The following RBFOX1 variants were observed in gnomAD, a reference collection of about 807,000 sequenced individuals.
RBFOX1 encodes RNA binding protein fox-1 homolog 1.
In RBFOX1, 8 loss-of-function variants were observed where a neutral mutation model predicts 57.7. That is an observed-to-expected ratio of 0.14 (90% CI 0.08 to 0.25). The LOEUF (loss-of-function observed/expected upper bound fraction) is 0.25. Ranked by LOEUF, RBFOX1 falls within the 10% of genes least tolerant of loss-of-function variation. RBFOX1 has a pLI of 1.00. For synonymous variants in RBFOX1, 326 were observed against 222.4 expected, an observed-to-expected ratio of 1.47 and a Z score of -4.15; for missense variants, 611 against 548.5, an observed-to-expected ratio of 1.11 and a Z score of -1.14.
chr16:5,501,874 C>T lies in RBFOX1; in HGVS notation c.258+34620C>T, dbSNP rs190291096. ...GGGACTACAGGCATTTGTTACCATG[C>T]CCAGCTAATTTTTATTTATTTATTT... On this transcript the variant is annotated intron_variant, in intron 2 of 2. Coordinates refer to the RBFOX1 transcript ENST00000585867. Among the ~76,000 whole-genome samples the T allele has an allele frequency of 9.0e-4, 137 of 152,112 alleles. 3 individuals carry two copies. Among genetic ancestry groups the T allele is most frequent in the Non-Finnish European group, 8.8e-5 (6 of 68,020 alleles).
rs57154832 is a variant in RBFOX1, at chr16:6,242,629, AAC to A, written c.-126-74332_-126-74331del. Among the ~76,000 whole-genome samples the A allele has an allele frequency of 3.2e-3, 456 of 141,614 alleles. 3 individuals carry two copies. The highest frequency in any genetic ancestry group is 3.8e-3 in the Non-Finnish European group (251 of 65,510). The allele number at this position is 141,614 out of a possible 152,430, so 92.9% of individuals were successfully genotyped here. ...GTTTGAGAGAGGATAATTTATTGCA[AAC>A]ACACACACACACACACACACACACA... On this transcript the variant is annotated intron_variant, in intron 1 of 15. Transcript: ENST00000550418.
intron 3 of RBFOX1, among the ~76,000 whole-genome samples, chr16:5,864,925 T>A (rs1451515416): frequency 2.0e-5 from 3 of 152,222 alleles, no homozygotes; most frequent in African/African-American, 4.8e-5. Flanking sequence ...TTATACTTTT[T>A]AAAAAATGTA....
chr16:7,480,202 G>C (rs1250565622), intron 4 of RBFOX1, among the ~76,000 whole-genome samples: 3 of 152,214 alleles, frequency 2.0e-5, no homozygotes. Flanking sequence ...TGGGTGAGGG[G>C]ATGTTCGTCT....
intron 4 of RBFOX1, among the ~76,000 whole-genome samples, chr16:7,387,592 G>A (rs545607310): frequency 6.6e-6 from 1 of 152,268 alleles, no homozygotes; most frequent in East Asian, 1.9e-4. Flanking sequence ...CCTTCAGAGA[G>A]GTTCTTCGAA....
chr16:6,996,879 A>C (rs1002522799), intron 3 of RBFOX1, among the ~76,000 whole-genome samples: 1 of 152,184 alleles, frequency 6.6e-6, no homozygotes, highest in Non-Finnish European at 1.5e-5. Context: ...ACACATCTGT[A>C]GTCACAGAGT....
At chr16:6,251,430 T>C (rs1687656242) in intron 1 of RBFOX1, among the ~76,000 whole-genome samples, 1 of 152,252 alleles carries the variant, frequency 6.6e-6, no homozygotes, top group Non-Finnish European at 1.5e-5. Flanking sequence ...GGAACTGAAC[T>C]AAGGTCCTTA....
chr16:6,112,411 C>A (rs1460362383), intron 1 of RBFOX1, among the ~76,000 whole-genome samples: 2 of 152,178 alleles, frequency 1.3e-5, no homozygotes, highest in African/African-American at 4.8e-5. Context: ...AAGTCCGAGG[C>A]TGGGCACGGT....
intron 11 of RBFOX1, among the ~76,000 whole-genome samples, chr16:7,642,996 A>G (rs934659104): frequency 6.6e-6 from 1 of 152,202 alleles, no homozygotes; most frequent in Non-Finnish European, 1.5e-5. Flanking sequence ...CATAGTAAAA[A>G]CATATCACTA....
At chr16:7,646,681 G>A (rs1385145145) in intron 11 of RBFOX1, among the ~76,000 whole-genome samples, 4 of 152,176 alleles carry the variant, frequency 2.6e-5, no homozygotes, top group African/African-American at 9.7e-5. Context: ...TTATGGCTTT[G>A]GTGCAGAATC....
At position 7,672,727 on chromosome 16, in the gene RBFOX1, C is replaced by T. The variant is rs113173973; in HGVS notation, c.931-4047C>T. On this transcript the variant is annotated intron_variant, in intron 13 of 15. Transcript: ENST00000550418. ...CTACTAAAAATACAAGTTAGCCAGG[C>T]GTGGTGGCACATGCCTGCAGTCCCA... Among the ~76,000 whole-genome samples the T allele has an allele frequency of 9.6e-3, 1,454 of 151,678 alleles. 29 individuals carry two copies. Among genetic ancestry groups the T allele is most frequent in the African/African-American group, 0.034 (1,397 of 41,344 alleles).
chr16:7,690,371 G>A (rs533426059), intron 14 of RBFOX1, among the ~76,000 whole-genome samples: 9 of 152,208 alleles, frequency 5.9e-5, no homozygotes, highest in African/African-American at 2.2e-4. Context: ...AGTTTCAGAG[G>A]TTACCATTTA....
chr16:7,160,593 A>G (rs1013431486), intron 4 of RBFOX1, among the ~76,000 whole-genome samples: 2 of 152,184 alleles, frequency 1.3e-5, no homozygotes, highest in East Asian at 3.8e-4. Flanking sequence ...AAAAGTCGTA[A>G]TACAAACAAT....
At chr16:6,844,280 C>T (rs1054007277) in intron 3 of RBFOX1, among the ~76,000 whole-genome samples, 2 of 151,986 alleles carry the variant, frequency 1.3e-5, no homozygotes, top group Non-Finnish European at 2.9e-5. Context: ...TGGCAGTTTG[C>T]TGCACAGGTC....
In RBFOX1 at chr16:6,986,184, T is replaced by TTTAATTTA. The variant is rs752491485; in HGVS notation, c.-15-65871_-15-65870insAATTTATT. ...GTCTACCAGAATCACCAATTTCTAT[T>TTTAATTTA]TTTATTTATTTATTTATTTATTTAT... On this transcript the variant is annotated intron_variant, in intron 3 of 15. Coordinates refer to ENST00000550418, the MANE Select transcript of RBFOX1 (RefSeq NM_018723.4). 8.6e-3 allele frequency among the ~76,000 whole-genome samples: 1,239 copies of TTTAATTTA among 144,218 alleles called. 8 individuals are homozygous for TTTAATTTA. Among genetic ancestry groups the TTTAATTTA allele is most frequent in the Non-Finnish European group, 0.013 (833 of 66,640 alleles). The allele number at this position is 144,218 out of a possible 152,430, so 94.6% of individuals were successfully genotyped here.
chr16:5,984,142 T>TCCTTCCCCTCCCCCTCCTCCTCCTCC (rs2060234766), intron 4 of RBFOX1, among the ~76,000 whole-genome samples: 1 of 13,130 alleles, frequency 7.6e-5, no homozygotes. Context: ...CCTCCTCCTC[T>TCCTTCCCCTCCCCCTCCTCCTCCTCC]CCTTCCCCTC....
rs151042989 is a variant in RBFOX1, at chr16:5,761,591, A to G, written c.319-105712A>G. 4.2e-3 allele frequency among the ~76,000 whole-genome samples: 637 copies of G among 152,226 alleles called. 8 individuals are homozygous for G. Among genetic ancestry groups the G allele is most frequent in the African/African-American group, 0.015 (615 of 41,532 alleles). On this transcript the variant is annotated intron_variant, in intron 3 of 19. Transcript: ENST00000641259. ...CTTGTGTAGGGGAACTCCCCTTTATAAAACCATCAGATCTCGTGAGAACTC... is the reference window on the plus strand; with the variant it reads ...CTTGTGTAGGGGAACTCCCCTTTATGAAACCATCAGATCTCGTGAGAACTC...
intron 2 of RBFOX1, among the ~76,000 whole-genome samples, chr16:6,321,259 T>C (rs922029643): frequency 1.3e-5 from 2 of 152,166 alleles, no homozygotes; most frequent in South Asian, 4.1e-4. Context: ...AATTTAAATT[T>C]AAGAACATGT....
At chr16:6,530,185 G>A (rs533616049) in intron 2 of RBFOX1, among the ~76,000 whole-genome samples, 1 of 152,082 alleles carries the variant, frequency 6.6e-6, no homozygotes, top group African/African-American at 2.4e-5. Context: ...TATGACTTTG[G>A]AGCATTTTTT....
chr16:6,548,551 C>A (rs891038369), intron 2 of RBFOX1, among the ~76,000 whole-genome samples: 1 of 152,176 alleles, frequency 6.6e-6, no homozygotes, highest in Admixed American at 6.5e-5. Flanking sequence ...CAAGTAAGCT[C>A]TCCAGGTAGT....
Sources: allele counts gnomAD v4.1 joint callset (sites outside exome capture counted in the v4.1 genomes callset), GRCh38; gene constraint gnomAD v4.1.1; transcripts MANE v1.5; gene names NCBI Gene and HGNC (gene_info 2026-07-23, HGNC 2026-07-21).